The following ALYREF variants were observed in gnomAD, a reference collection of about 807,000 sequenced individuals.
ALYREF encodes THO complex subunit 4.
Under a neutral mutation model 25.2 loss-of-function variants are expected in ALYREF, and 1 was observed. That is an observed-to-expected ratio of 0.04 (90% CI 0.01 to 0.19). The LOEUF (loss-of-function observed/expected upper bound fraction) is 0.19, where lower values mean the gene tolerates loss of function less well. Ranked by LOEUF, ALYREF falls within the 10% of genes least tolerant of loss-of-function variation. The pLI is 1.00. For synonymous variants in ALYREF, 193 were observed against 153.5 expected (o/e 1.26, Z -1.90); for missense variants, 328 against 375.6 (o/e 0.87, Z 1.05).
chr17:81,887,917 T>G lies in ALYREF; in HGVS notation c.*214A>C. On this transcript the variant is annotated 3_prime_UTR_variant, in exon 6 of 6. Coordinates refer to ENST00000505490, the MANE Select transcript of ALYREF (RefSeq NM_005782.4). ...CCACAACAGCAACCAGTAAAATTTA[T>G]CCCAAAAATAACTCGGTACAAAACA... The G allele has an allele frequency of 1.9e-6, 1 of 534,464 alleles. No homozygotes were observed. The highest frequency in any genetic ancestry group is 3.0e-6 in the Non-Finnish European group (1 of 329,804). 33.1% of individuals were successfully genotyped at this position (534,464 alleles called of 1,614,324 possible).
intron 3 of ALYREF, 101 bp downstream of exon 3, chr17:81,889,081 G>A (rs2039468289): frequency 6.6e-7 from 1 of 1,516,516 alleles, no homozygotes; most frequent in Non-Finnish European, 8.9e-7. Flanking sequence ...CAAATGCAAA[G>A]TGTCCTCAGC....
Position 81,891,554 on chromosome 17 carries a change from G to C in ALYREF, c.27C>G (p.Ala9=), listed in dbSNP as rs1400190720. The part of the protein sequence containing the change: MPDSAPAM[A]DKMDMSLDDI... Reference sequence around the variant, plus strand: ...CGTCCAGAGACATGTCCATTTTGTCGGCCATGGCGGGCGCGGAATCGGGCA... The same window carrying C: ...CGTCCAGAGACATGTCCATTTTGTCCGCCATGGCGGGCGCGGAATCGGGCA... The change falls in exon 1 of 6, where the codon GCC becomes GCG. Residue 9 remains alanine, a synonymous_variant. Transcript: ENST00000505490. 1.0e-5 allele frequency: 15 copies of C among 1,435,262 alleles called. No homozygotes were observed. The highest frequency in any genetic ancestry group is 1.3e-5 in the South Asian group (1 of 77,754). 88.9% of individuals were successfully genotyped at this position (1,435,262 alleles called of 1,614,324 possible).
In ALYREF at chr17:81,890,564, G is replaced by A. The variant is rs140674821; in HGVS notation, c.390+125C>T. ...GCTTTACTAGCACTGGGTCTGTCCT[G>A]CAGCCCTTCAGAGCTGGGAGGGCTC... On this transcript the variant is annotated intron_variant, in intron 2 of 5. Transcript: ENST00000505490. 1,102 of 1,431,302 alleles carry A rather than the reference G, an allele frequency of 7.7e-4. 9 individuals are homozygous for A. The African/African-American group carries it at 0.014, about 19-fold the overall frequency. 88.7% of individuals were successfully genotyped at this position (1,431,302 alleles called of 1,614,324 possible). A position where few individuals can be genotyped will look rare whatever the true frequency, so the allele number is the denominator to read the frequency against.
In ALYREF at chr17:81,887,867, G is replaced by T; in HGVS notation, c.*264C>A. The stretch of plus-strand genomic sequence containing the variant: ...TCTACACACATTTCTATTTTATTAT[G>T]GAAAAGGTGGAAACGCCACCTTCTC... On this transcript the variant is annotated 3_prime_UTR_variant, in exon 6 of 6. Coordinates refer to ENST00000505490, the MANE Select transcript of ALYREF (RefSeq NM_005782.4). The T allele has an allele frequency of 1.8e-5, 6 of 334,748 alleles. No homozygotes were observed. Among genetic ancestry groups the T allele is most frequent in the East Asian group, 1.1e-4 (2 of 18,784 alleles). 20.7% of individuals were successfully genotyped at this position (334,748 alleles called of 1,614,324 possible).
At chr17:81,890,433 C>G (rs1246643417) in intron 2 of ALYREF, among the ~76,000 whole-genome samples, 2 of 152,230 alleles carry the variant, frequency 1.3e-5, no homozygotes, top group African/African-American at 4.8e-5. Flanking sequence ...CTGTTAGAAA[C>G]TGGAAGCCCT....
In ALYREF at chr17:81,891,488, GC is replaced by G; in HGVS notation, c.92del (p.Gly31AlafsTer25). On this transcript the variant is annotated frameshift_variant, in exon 1 of 6. Coordinates refer to ENST00000505490, the MANE Select transcript of ALYREF (RefSeq NM_005782.4). LOFTEE classifies it high-confidence loss of function. ...CGGCCCGGCCGCGGCCCCGGCCCCCGCCCCGGCCGCCTCGCTGGCTCCGGTT... is the reference window on the plus strand; with the variant it reads ...CGGCCCGGCCGCGGCCCCGGCCCCCGCCCGGCCGCCTCGCTGGCTCCGGTT... ...KLNRSQRGGR[G>X]GGRGRGRAGS... 8.1e-7 allele frequency: 1 copy of G among 1,236,266 alleles called. No individual in the cohort carries two copies. The allele number at this position is 1,236,266 out of a possible 1,614,324, so 76.6% of individuals were successfully genotyped here.
At chr17:81,889,519 G>A (rs1026462929) in intron 2 of ALYREF, among the ~76,000 whole-genome samples, 190 bp from the exon 3 acceptor site, 3 of 152,204 alleles carry the variant, frequency 2.0e-5, no homozygotes, top group East Asian at 3.8e-4. Flanking sequence ...TGGGTCTGAG[G>A]GCTCCTGCCA....
chr17:81,890,802 T>C lies in ALYREF; in HGVS notation c.277A>G (p.Lys93Glu). Residue 93 changes from lysine (K) to glutamate (E), a missense_variant, in exon 2 of 6, where the codon AAG becomes GAG. Coordinates refer to ENST00000505490, the MANE Select transcript of ALYREF (RefSeq NM_005782.4). ...CTGTCGAAAAGATCGTGCTGCCACTTGTCGGGAAGTTGTTTTGGCTGAAAA... is the reference window on the plus strand; with the variant it reads ...CTGTCGAAAAGATCGTGCTGCCACTCGTCGGGAAGTTGTTTTGGCTGAAAA... ...PYSRPKQLPD[K>E]WQHDLFDSGF... 6.2e-7 allele frequency: 1 copy of C among 1,613,922 alleles called. No homozygotes were observed. Among genetic ancestry groups the C allele is most frequent in the Non-Finnish European group, 8.5e-7 (1 of 1,179,958 alleles).
intron 1 of ALYREF, 34 bp from the exon 2 acceptor site, chr17:81,890,854 G>C (rs763411257): frequency 1.2e-6 from 2 of 1,613,776 alleles, no homozygotes; most frequent in South Asian, 2.2e-5. Flanking sequence ...GCAGATCTGT[G>C]AGTCTCAGTC....
At chr17:81,889,478 G>A in intron 2 of ALYREF, 149 bp from the exon 3 acceptor site, 1 of 892,728 alleles carries the variant, frequency 1.1e-6, no homozygotes, top group Non-Finnish European at 1.7e-6. Context: ...GGAAGGGCGG[G>A]GCAGGAGGGA....
Position 81,888,092 on chromosome 17 carries a change from C to T in ALYREF, c.*39G>A, listed in dbSNP as rs145890926. The T allele has an allele frequency of 5.5e-3, 8,953 of 1,613,414 alleles. 506 individuals carry two copies. The Admixed American group carries it at 0.11, about 20-fold the overall frequency. ...CCCCCAACCAGGGAGCAAGAGGAGA[C>T]GCCTGGGTCCTGTTCCGCACGCGGA... On this transcript the variant is annotated 3_prime_UTR_variant, in exon 6 of 6. Transcript: ENST00000505490. This position sits in a 1 kb window ranked among gnomAD's most constrained non-coding sequence, Gnocchi z 5.8.
At chr17:81,890,272 G>C (rs566974255) in intron 2 of ALYREF, among the ~76,000 whole-genome samples, 1 of 152,130 alleles carries the variant, frequency 6.6e-6, no homozygotes. Context: ...AAGGCAAACA[G>C]AGCCAGAAAA....
chr17:81,890,978 C>G (rs2039511920), intron 1 of ALYREF, 158 bp from the exon 2 acceptor site: 1 of 1,109,746 alleles, frequency 9.0e-7, no homozygotes, highest in East Asian at 2.5e-5. Flanking sequence ...TGCCCCAGCC[C>G]GAGGCCGCAC....
chr17:81,888,305 C>T lies in ALYREF; in HGVS notation c.716G>A (p.Arg239Lys), dbSNP rs776238120. 26 of 1,607,600 alleles carry T rather than the reference C, an allele frequency of 1.6e-5. No individual in the cohort carries two copies. In the Admixed American group the frequency reaches 4.2e-4, roughly 26 times the overall value. ...TGCCGAAAGCTGCTGCTTTGAATTC[C>T]TGCCGGCACCTCTGCCTCTTCCACG... ...GARGRGRGAG[R>K]NSKQQLSAEE... The change falls in exon 5 of 6, where the codon AGG (arginine) becomes AAG (lysine). Residue 239 changes from arginine (R) to lysine (K), a missense_variant. This residue lies in a region of ALYREF where 108 missense variants were observed against 110.5 expected (regional missense o/e 0.98). Transcript: ENST00000505490. This position sits in a 1 kb window ranked among gnomAD's most constrained non-coding sequence, Gnocchi z 5.8.
intron 1 of ALYREF, 186 bp from the exon 2 acceptor site, chr17:81,891,006 A>C (rs908556039): frequency 6.8e-6 from 6 of 882,072 alleles, no homozygotes; most frequent in East Asian, 2.7e-5. Context: ...CCGCGGCCGC[A>C]CAACTTCAGT....
At chr17:81,889,085 C>T (rs146473760) in intron 3 of ALYREF, 97 bp downstream of exon 3, 1 of 1,530,050 alleles carries the variant, frequency 6.5e-7, no homozygotes, top group African/African-American at 1.4e-5. Flanking sequence ...TGCAAAGTGT[C>T]CTCAGCCACA....
chr17:81,891,339 G>T lies in ALYREF; in HGVS notation c.242C>A (p.Pro81Gln). Reference sequence around the variant, plus strand: ...CGCACTCACCCTGCTGTAGGGCGCCGGTCGGTTCCTGCCGCCTCCGCCGGC... The same window carrying T: ...CGCACTCACCCTGCTGTAGGGCGCCTGTCGGTTCCTGCCGCCTCCGCCGGC... Reference protein sequence around the residue: ...GAAGGGGRNRPAPYSRPKQLP... With the variant: ...GAAGGGGRNRQAPYSRPKQLP... Residue 81 changes from proline (P) to glutamine (Q), a missense_variant, in exon 1 of 6, where the codon CCG becomes CAG. Pro to Gln is a moderately conservative substitution (Grantham distance 76, BLOSUM62 -1). Around this residue, in one of 3 missense-constraint regions of ALYREF, gnomAD observed 150 missense variants for 135.3 expected, o/e 1.11. Coordinates refer to ENST00000505490, the MANE Select transcript of ALYREF (RefSeq NM_005782.4). 8.6e-7 allele frequency: 1 copy of T among 1,163,570 alleles called. No homozygotes were observed. Among genetic ancestry groups the T allele is most frequent in the South Asian group, 2.9e-5 (1 of 34,088 alleles). 72.1% of individuals were successfully genotyped at this position (1,163,570 alleles called of 1,614,324 possible). A position where few individuals can be genotyped will look rare whatever the true frequency, so the allele number is the denominator to read the frequency against.
chr17:81,890,985 G>T, intron 1 of ALYREF, 165 bp from the exon 2 acceptor site: 1 of 1,058,626 alleles, frequency 9.4e-7, no homozygotes, highest in Non-Finnish European at 1.3e-6. Context: ...GCCCGAGGCC[G>T]CACGGTCCCA....
At position 81,888,620 on chromosome 17, in the gene ALYREF, G is replaced by C; in HGVS notation, c.539-37C>G. 6.4e-7 allele frequency: 1 copy of C among 1,567,230 alleles called. No homozygotes were observed. ...AATACGAGAAGGCACGTTCTATTGA[G>C]AGGCTCTGAAACCCACCCAGCTGGC... On this transcript the variant is annotated intron_variant, in intron 3 of 5. Coordinates refer to ENST00000505490, the MANE Select transcript of ALYREF (RefSeq NM_005782.4). The surrounding 1 kb of genome is among the most constrained non-coding windows in gnomAD (Gnocchi z 5.8).
Sources: gnomAD v4.1 joint callset for allele counts (sites outside exome capture counted in the v4.1 genomes callset) on GRCh38, gnomAD v4.1.1 for gene constraint, gnomAD v4.1.1 regional missense constraint, Gnocchi (gnomAD v3.1) non-coding constraint, MANE v1.5 for transcripts, NCBI Gene and HGNC (gene_info 2026-07-23, HGNC 2026-07-21) for gene names.